The following TBC1D4 variants were observed in gnomAD, a reference collection of about 807,000 sequenced individuals.
TBC1D4 encodes the protein TBC1 domain family member 4.
Under a neutral mutation model 142.5 loss-of-function variants are expected in TBC1D4, and 121 were observed. The observed-to-expected ratio is 0.85, with a 90% confidence interval of 0.73 to 0.99. TBC1D4 has a LOEUF of 0.99. Ranked by LOEUF, TBC1D4 falls within the 50% of genes least tolerant of loss-of-function variation. TBC1D4 has a pLI of 0.00. For synonymous variants in TBC1D4, 630 were observed against 628.2 expected (o/e 1.00, Z -0.04); for missense variants, 1,475 against 1,606.6 (o/e 0.92, Z 1.40).
intron 1 of TBC1D4, among the ~76,000 whole-genome samples, chr13:75,415,035 A>T (rs963606163): frequency 6.6e-6 from 1 of 151,724 alleles, no homozygotes; most frequent in Non-Finnish European, 1.5e-5. Context: ...GAGGCAAGAG[A>T]ATCGCTTGAA....
chr13:75,379,985 A>C (rs915057607), intron 1 of TBC1D4, among the ~76,000 whole-genome samples: 1 of 139,714 alleles, frequency 7.2e-6, no homozygotes, highest in Admixed American at 8.0e-5. Flanking sequence ...GGCTCACCGC[A>C]ATCTCTGCTA....
intron 1 of TBC1D4, among the ~76,000 whole-genome samples, chr13:75,383,800 C>T (rs567294723): frequency 7.9e-5 from 12 of 152,228 alleles, no homozygotes; most frequent in South Asian, 4.2e-4. Context: ...ACTGATAACG[C>T]GGGGCTACTG....
intron 1 of TBC1D4, among the ~76,000 whole-genome samples, chr13:75,444,475 G>A (rs1887190429): frequency 6.6e-6 from 1 of 152,108 alleles, no homozygotes; most frequent in Non-Finnish European, 1.5e-5. Flanking sequence ...ATTTAGATAA[G>A]ATAATAATAA....
At chr13:75,431,495 TG>T (rs1195462434) in intron 1 of TBC1D4, among the ~76,000 whole-genome samples, 1 of 152,196 alleles carries the variant, frequency 6.6e-6, no homozygotes, top group Non-Finnish European at 1.5e-5. Flanking sequence ...ACATCTTCCT[TG>T]GATAAACAAC....
chr13:75,375,980 A>T (rs1383856763), intron 1 of TBC1D4: 2 of 152,200 alleles, frequency 1.3e-5, no homozygotes, highest in African/African-American at 4.8e-5. Context: ...AGACAACAGG[A>T]ACAACCTGTA....
intron 1 of TBC1D4, among the ~76,000 whole-genome samples, chr13:75,393,422 A>G (rs1274271868): frequency 6.6e-6 from 1 of 152,182 alleles, no homozygotes; most frequent in Non-Finnish European, 1.5e-5. Flanking sequence ...GCTCCGCTCC[A>G]AACATTTTAC....
At chr13:75,473,326 T>C (rs2138334848) in intron 1 of TBC1D4, among the ~76,000 whole-genome samples, 1 of 152,298 alleles carries the variant, frequency 6.6e-6, no homozygotes, top group Admixed American at 6.5e-5. Flanking sequence ...TAACCCATTA[T>C]TAAAAATATA....
chr13:75,356,226 C>A lies in TBC1D4; in HGVS notation c.1196G>T (p.Gly399Val), dbSNP rs1165749383. 1.2e-6 allele frequency: 2 copies of A among 1,613,318 alleles called. No individual in the cohort carries two copies. Among genetic ancestry groups the A allele is most frequent in the Non-Finnish European group, 1.7e-6 (2 of 1,179,586 alleles). Reference sequence around the variant, plus strand: ...CTCTGGAGACTCCCGGCAGATAAAGCCAAAGTGATCCACATGCTTTATACC... The same window carrying A: ...CTCTGGAGACTCCCGGCAGATAAAGACAAAGTGATCCACATGCTTTATACC... ...SQGIKHVDHF[G>V]FICRESPEPG... Residue 399 changes from glycine to valine, a missense_variant, in exon 4 of 21, where the codon GGC becomes GTC. Coordinates refer to ENST00000377636, the MANE Select transcript of TBC1D4 (RefSeq NM_014832.5).
At chr13:75,452,773 C>T (rs187497030) in intron 1 of TBC1D4, among the ~76,000 whole-genome samples, 116 of 152,218 alleles carry the variant, frequency 7.6e-4, no homozygotes, top group Admixed American at 1.7e-3. Context: ...AAGTAATTAT[C>T]TAGGTCACAG....
chr13:75,340,755 T>G (rs112316446), intron 7 of TBC1D4, among the ~76,000 whole-genome samples: 1 of 152,228 alleles, frequency 6.6e-6, no homozygotes, highest in African/African-American at 2.4e-5. Context: ...GTGACCAGCC[T>G]GACCAACATG....
In TBC1D4 at chr13:75,286,842, C is replaced by T. The variant is rs766357042; in HGVS notation, c.3847G>A (p.Asp1283Asn). Residue 1283 changes from aspartate to asparagine, a missense_variant, in exon 21 of 21, where the codon GAC becomes AAC. Around this residue, in one of 2 missense-constraint regions of TBC1D4, gnomAD observed 248 missense variants for 338.9 expected, o/e 0.73. Transcript: ENST00000377636. ...ALVNCDLLLR[D>N]LNCNPNNKAK... ...TTGTTGTTAGGGTTGCAGTTTAGGT[C>T]TCTCAGCAACAGGTCACAATTGACT... The T allele has an allele frequency of 6.2e-7, 1 of 1,613,938 alleles. No homozygotes were observed. Among genetic ancestry groups the T allele is most frequent in the Non-Finnish European group, 8.5e-7 (1 of 1,179,966 alleles).
At chr13:75,341,020 C>A in intron 7 of TBC1D4, 105 bp downstream of exon 7, 1 of 972,202 alleles carries the variant, frequency 1.0e-6, no homozygotes, top group Non-Finnish European at 1.7e-6. Flanking sequence ...GTTCAGGAAA[C>A]TCTGATAGGA....
chr13:75,443,298 A>G (rs1371722864), intron 1 of TBC1D4, among the ~76,000 whole-genome samples: 1 of 152,266 alleles, frequency 6.6e-6, no homozygotes, highest in Non-Finnish European at 1.5e-5. Context: ...AAAAGTACCT[A>G]GACTGAGCAG....
chr13:75,294,268 TTGCCCTGAGCTCTAC>T (rs1361355217), intron 18 of TBC1D4, among the ~76,000 whole-genome samples: 2 of 152,208 alleles, frequency 1.3e-5, no homozygotes, highest in African/African-American at 4.8e-5. Context: ...ACTCAGTAAC[TTGCCCTGAGCTCTAC>T]TGACTGTACT....
intron 1 of TBC1D4, among the ~76,000 whole-genome samples, chr13:75,444,891 T>C (rs1225060424): frequency 1.3e-5 from 2 of 152,340 alleles, no homozygotes; most frequent in East Asian, 3.9e-4. Flanking sequence ...TATTAATGGC[T>C]TTCATTTATT....
chr13:75,314,999 AT>A (rs529824921), intron 12 of TBC1D4, among the ~76,000 whole-genome samples: 6 of 146,042 alleles, frequency 4.1e-5, no homozygotes, highest in East Asian at 2.0e-4. Flanking sequence ...TTATAATTAA[AT>A]TTTTTTTTTA....
At chr13:75,444,670 CA>C (rs1238561671) in intron 1 of TBC1D4, among the ~76,000 whole-genome samples, 1 of 152,138 alleles carries the variant, frequency 6.6e-6, no homozygotes, top group Non-Finnish European at 1.5e-5. Flanking sequence ...TTAACACTTA[CA>C]AAACAACTCA....
intron 1 of TBC1D4, among the ~76,000 whole-genome samples, chr13:75,423,747 T>C (rs889977968): frequency 2.0e-5 from 3 of 152,214 alleles, no homozygotes; most frequent in African/African-American, 7.2e-5. Context: ...TAGTTCCTAT[T>C]AGGATCTTTG....
At chr13:75,408,146 T>C (rs1885431424) in intron 1 of TBC1D4, among the ~76,000 whole-genome samples, 1 of 152,120 alleles carries the variant, frequency 6.6e-6, no homozygotes, top group African/African-American at 2.4e-5. Context: ...AAACACTGAT[T>C]TAATTTCTCT....
Sources: allele counts gnomAD v4.1 joint callset (sites outside exome capture counted in the v4.1 genomes callset), GRCh38; gene constraint gnomAD v4.1.1; regional missense constraint gnomAD v4.1.1; transcripts MANE v1.5; gene names NCBI Gene and HGNC (gene_info 2026-07-23, HGNC 2026-07-21).